TMEM30A: variants seen among roughly 807,000 people sequenced by gnomAD.
TMEM30A encodes cell division cycle 50 P4-ATPase accessory subunit A.
A neutral mutation model predicts 38.2 loss-of-function variants in TMEM30A; 24 were observed. The observed-to-expected ratio is 0.63, with a 90% CI of 0.46 to 0.88. The LOEUF is 0.88. Ranked by LOEUF, TMEM30A falls within the 40% of genes least tolerant of loss-of-function variation. TMEM30A has a pLI of 0.00. For missense variants in TMEM30A, 370 were observed against 458.6 expected (o/e 0.81, Z 1.77); for synonymous variants, 145 against 161.6 (o/e 0.90, Z 0.78).
At chr6:75,261,122 C>T (rs769904147) in intron 3 of TMEM30A, among the ~76,000 whole-genome samples, 1 of 152,160 alleles carries the variant, frequency 6.6e-6, no homozygotes, top group South Asian at 2.1e-4. Context: ...TTTAATATAA[C>T]CTTTACTTGC....
At chr6:75,264,749 C>G (rs1200107711) in intron 3 of TMEM30A, among the ~76,000 whole-genome samples, 2 of 152,134 alleles carry the variant, frequency 1.3e-5, no homozygotes, top group East Asian at 3.9e-4. Context: ...GATTTCCAAA[C>G]CAGTCTGGGC....
intron 2 of TMEM30A, among the ~76,000 whole-genome samples, chr6:75,265,936 ATATAATAT>A (rs1306402704): frequency 6.6e-6 from 1 of 152,088 alleles, no homozygotes; most frequent in Non-Finnish European, 1.5e-5. Flanking sequence ...AGAGGACACT[ATATAATAT>A]TATGAGTTAA....
chr6:75,276,178 T>G (rs546594366), intron 1 of TMEM30A, among the ~76,000 whole-genome samples: 6 of 152,352 alleles, frequency 3.9e-5, no homozygotes, highest in Non-Finnish European at 8.8e-5. Context: ...GAACCCCTTC[T>G]CCAAACATCT....
chr6:75,257,657 T>G (rs1486923554), intron 6 of TMEM30A, among the ~76,000 whole-genome samples: 1 of 152,162 alleles, frequency 6.6e-6, no homozygotes, highest in Non-Finnish European at 1.5e-5. Flanking sequence ...TGGATTTAGT[T>G]TCAAAAACTT....
intron 1 of TMEM30A, among the ~76,000 whole-genome samples, chr6:75,276,857 C>T (rs748955852): frequency 1.3e-5 from 2 of 152,134 alleles, no homozygotes; most frequent in South Asian, 2.1e-4. Flanking sequence ...CTACTTCAGC[C>T]ATATTGGCCT....
intron 3 of TMEM30A, among the ~76,000 whole-genome samples, chr6:75,262,703 T>C (rs1771991875): frequency 6.6e-6 from 1 of 151,760 alleles, no homozygotes. Context: ...GATGAGTACC[T>C]AATATGCAGC....
intron 2 of TMEM30A, 63 bp downstream of exon 2, chr6:75,267,578 T>G (rs1772090356): frequency 2.6e-6 from 3 of 1,159,562 alleles, no homozygotes; most frequent in Non-Finnish European, 3.7e-6. Context: ...TAAAAGACAT[T>G]TAGTACAGTA....
chr6:75,254,550 C>T lies in TMEM30A; in HGVS notation c.*1552G>A, dbSNP rs1363008848. On this transcript the variant is annotated 3_prime_UTR_variant, in exon 7 of 7. Transcript: ENST00000230461. ...ACTGAATTTCATATGTTATATAAAACTTGAAAAGTGTGGCACATTTCTACT... is the reference window on the plus strand; with the variant it reads ...ACTGAATTTCATATGTTATATAAAATTTGAAAAGTGTGGCACATTTCTACT... The T allele has an allele frequency of 6.6e-6, 1 of 151,980 alleles. No homozygotes were observed. The highest frequency in any genetic ancestry group is 6.6e-5 in the Admixed American group (1 of 15,250). 9.4% of individuals were successfully genotyped at this position (151,980 alleles called of 1,614,324 possible).
chr6:75,261,192 A>T (rs1363391997), intron 3 of TMEM30A, among the ~76,000 whole-genome samples: 2 of 152,232 alleles, frequency 1.3e-5, no homozygotes, highest in Non-Finnish European at 2.9e-5. Flanking sequence ...CTTATCACAG[A>T]AACATTACCA....
At chr6:75,261,058 A>T (rs1771956854) in intron 3 of TMEM30A, 147 bp from the exon 4 acceptor site, 4 of 501,362 alleles carry the variant, frequency 8.0e-6, no homozygotes, top group East Asian at 3.2e-5. Flanking sequence ...TAGGCTATAG[A>T]TAACACCACA....
At chr6:75,273,497 A>G (rs977915443) in intron 1 of TMEM30A, among the ~76,000 whole-genome samples, 6 of 152,028 alleles carry the variant, frequency 3.9e-5, no homozygotes, top group Non-Finnish European at 5.9e-5. Context: ...AAAAAAAAAA[A>G]AAGTATAGGT....
chr6:75,273,429 T>C (rs947399431), intron 1 of TMEM30A, among the ~76,000 whole-genome samples: 11 of 151,776 alleles, frequency 7.2e-5, no homozygotes, highest in Non-Finnish European at 1.3e-4. Context: ...CCTGACCTCC[T>C]GGAGTTCAGT....
intron 1 of TMEM30A, among the ~76,000 whole-genome samples, chr6:75,281,392 T>C (rs1772353807): frequency 6.6e-6 from 1 of 152,136 alleles, no homozygotes; most frequent in Non-Finnish European, 1.5e-5. Context: ...AATGAAGATA[T>C]TAAATATTTA....
chr6:75,282,112 T>G (rs1772368146), intron 1 of TMEM30A, among the ~76,000 whole-genome samples: 1 of 152,204 alleles, frequency 6.6e-6, no homozygotes, highest in Non-Finnish European at 1.5e-5. Flanking sequence ...AATCATAGAA[T>G]TTTAGAGTTG....
chr6:75,260,204 G>A (rs1338097754), intron 4 of TMEM30A, among the ~76,000 whole-genome samples: 1 of 152,034 alleles, frequency 6.6e-6, no homozygotes, highest in Non-Finnish European at 1.5e-5. Flanking sequence ...AGGAATACAA[G>A]ACCAGCCTGA....
At chr6:75,263,698 G>A (rs1004057430) in intron 3 of TMEM30A, among the ~76,000 whole-genome samples, 1 of 152,158 alleles carries the variant, frequency 6.6e-6, no homozygotes, top group Non-Finnish European at 1.5e-5. Flanking sequence ...AAGGCCCAGG[G>A]CAGCCAGGCC....
intron 1 of TMEM30A, among the ~76,000 whole-genome samples, chr6:75,277,347 CTTG>C (rs1299008043): frequency 6.6e-6 from 1 of 150,454 alleles, no homozygotes; most frequent in Non-Finnish European, 1.5e-5. Flanking sequence ...TAATGTTACC[CTTG>C]TTAAGTGTCA....
chr6:75,266,229 G>C (rs1772064833), intron 2 of TMEM30A, among the ~76,000 whole-genome samples: 1 of 152,000 alleles, frequency 6.6e-6, no homozygotes, highest in East Asian at 1.9e-4. Flanking sequence ...AACATTATAA[G>C]TAGACTTCAT....
chr6:75,264,993 G>A (rs1474634634), intron 3 of TMEM30A, among the ~76,000 whole-genome samples: 3 of 151,858 alleles, frequency 2.0e-5, no homozygotes, highest in African/African-American at 4.8e-5. Flanking sequence ...CCAGCTACTC[G>A]GGAGACTGAG....
Sources: gnomAD v4.1 joint callset for allele counts (sites outside exome capture counted in the v4.1 genomes callset) on GRCh38, gnomAD v4.1.1 for gene constraint, MANE v1.5 for transcripts, NCBI Gene and HGNC (gene_info 2026-07-23, HGNC 2026-07-21) for gene names.